The following TNRC6A variants were observed in gnomAD, a reference collection of about 807,000 sequenced individuals.
The protein encoded by TNRC6A is trinucleotide repeat-containing gene 6A protein.
TNRC6A carries 44 observed loss-of-function variants against 221.2 expected under a neutral mutation model. That is an observed-to-expected ratio of 0.20 (90% CI 0.16 to 0.26). The LOEUF (loss-of-function observed/expected upper bound fraction) is 0.26. Among genes scored for constraint, TNRC6A ranks in the 10% least tolerant of loss-of-function variants. The probability of loss-of-function intolerance (pLI) is 1.00; values close to 1 mark genes in which losing one functional copy is unlikely to be tolerated. For synonymous variants in TNRC6A, 847 were observed against 838.5 expected (o/e 1.01, Z -0.18); for missense variants, 2,199 against 2,404.4 (o/e 0.91, Z 1.79).
Position 24,750,732 on chromosome 16 carries a change from A to C in TNRC6A, c.60A>C (p.Leu20Phe). ...KDVERNLSRD[L>F]VQEEEQLMEE... The stretch of plus-strand genomic sequence containing the variant: ...TTGCAACTGTGTGGTTCAGGGATTT[A>C]GTGCAAGAAGAAGAACAGTTGATGG... The change falls in exon 3 of 25, where the codon TTA becomes TTC. Residue 20 changes from leucine to phenylalanine, a missense_variant. Leu to Phe is a conservative substitution (Grantham distance 22). Around this residue, in one of 8 missense-constraint regions of TNRC6A, gnomAD observed 1,405 missense variants for 1,400.2 expected, o/e 1.00. Transcript: ENST00000395799. 6.5e-7 allele frequency: 1 copy of C among 1,540,088 alleles called. No individual in the cohort carries two copies. The highest frequency in any genetic ancestry group is 1.3e-5 in the South Asian group (1 of 76,282).
At chr16:24,730,510 AAAAG>A (rs2056607855) in intron 2 of TNRC6A, among the ~76,000 whole-genome samples, 1 of 152,082 alleles carries the variant, frequency 6.6e-6, no homozygotes, top group Non-Finnish European at 1.5e-5. Context: ...AAAAAAAAAA[AAAAG>A]CGCAAAGCAA....
At chr16:24,764,712 G>A (rs2057435298) in intron 4 of TNRC6A, among the ~76,000 whole-genome samples, 3 of 152,128 alleles carry the variant, frequency 2.0e-5, no homozygotes, top group South Asian at 4.1e-4. Flanking sequence ...GGGAGTACAG[G>A]TATTTCTACA....
At chr16:24,766,973 G>A (rs990094933) in intron 4 of TNRC6A, among the ~76,000 whole-genome samples, 8 of 152,126 alleles carry the variant, frequency 5.3e-5, no homozygotes, top group East Asian at 3.8e-4. Context: ...CACTGTGCTC[G>A]GCCACACTTT....
At chr16:24,729,585 T>C (rs2056559079), upstream of TNRC6A, 1 of 396,690 alleles carries the variant, frequency 2.5e-6, no homozygotes, top group East Asian at 3.8e-5. Flanking sequence ...GTCCAGTTGC[T>C]AGGGCCTCCA....
chr16:24,632,483 G>T (rs370692519), intron 1 of TNRC6A, among the ~76,000 whole-genome samples: 2 of 152,010 alleles, frequency 1.3e-5, no homozygotes, highest in Non-Finnish European at 2.9e-5. Flanking sequence ...CAAACATATT[G>T]CCTGGCTATT....
intron 17 of TNRC6A, among the ~76,000 whole-genome samples, chr16:24,808,287 G>A (rs943466594): frequency 6.6e-6 from 1 of 152,186 alleles, no homozygotes; most frequent in Non-Finnish European, 1.5e-5. Flanking sequence ...TCTCAGTGAG[G>A]GATACTTCTT....
At chr16:24,729,413 G>A (rs2056554309), upstream of TNRC6A, among the ~76,000 whole-genome samples, 1 of 150,632 alleles carries the variant, frequency 6.6e-6, no homozygotes, top group Non-Finnish European at 1.5e-5. Context: ...CCCCTCCTCG[G>A]TCAGACCGGA....
rs371598247 is a variant in TNRC6A at position 24,804,166 on chromosome 16, G to A, written c.3695-11G>A. On this transcript the variant is annotated splice_polypyrimidine_tract_variant and intron_variant, in intron 11 of 24. Coordinates refer to ENST00000395799, the MANE Select transcript of TNRC6A (RefSeq NM_014494.4). Reference sequence around the variant, plus strand: ...TCTTCCTGTTTGATAACAGTCTCCTGCCTTTATTAGGAATGTTACAAGACA... The same window carrying A: ...TCTTCCTGTTTGATAACAGTCTCCTACCTTTATTAGGAATGTTACAAGACA... The A allele has an allele frequency of 6.3e-7, 1 of 1,589,716 alleles. No homozygotes were observed.
chr16:24,631,644 C>T (rs950285953), intron 1 of TNRC6A, among the ~76,000 whole-genome samples: 4 of 151,930 alleles, frequency 2.6e-5, no homozygotes, highest in Non-Finnish European at 4.4e-5. Context: ...TGGTGGCGCA[C>T]GCCTGTAGTC....
chr16:24,706,355 TAA>T lies in TNRC6A; in HGVS notation n.403-44366_403-44365del, dbSNP rs576495498. 1.4e-3 allele frequency among the ~76,000 whole-genome samples: 218 copies of T among 151,984 alleles called. 1 individual carries two copies. The highest frequency in any genetic ancestry group is 4.8e-3 in the African/African-American group (197 of 41,456). ...GGAAAATTTTGAAAAAGGAAAGTAA[TAA>T]AAAAGAATTAACCCTCCTAGGTATT... On this transcript the variant is annotated intron_variant and non_coding_transcript_variant, in intron 2 of 2. Transcript: ENST00000566108.
At position 24,749,452 on chromosome 16, in the gene TNRC6A, A is replaced by G. The variant is rs184858200; in HGVS notation, c.54-1274A>G. On this transcript the variant is annotated intron_variant, in intron 2 of 24. Transcript: ENST00000395799. ...TCTTTGGCTTGAGGCTGCATTTAGA[A>G]GCAGCTACTATCTGTGGCTGTGTAG... Among the ~76,000 whole-genome samples the G allele has an allele frequency of 2.4e-3, 372 of 152,278 alleles. 2 individuals are homozygous for G. Among genetic ancestry groups the G allele is most frequent in the African/African-American group, 7.3e-3 (304 of 41,556 alleles).
chr16:24,777,164 A>T lies in TNRC6A; in HGVS notation c.395A>T (p.Tyr132Phe). 6.2e-7 allele frequency: 1 copy of T among 1,614,206 alleles called. No individual in the cohort carries two copies. Among genetic ancestry groups the T allele is most frequent in the Non-Finnish European group, 8.5e-7 (1 of 1,180,050 alleles). The change falls in exon 5 of 25, where the codon TAT becomes TTT. Residue 132 changes from tyrosine (Y) to phenylalanine (F), a missense_variant. Tyr to Phe is a conservative substitution (Grantham distance 22, BLOSUM62 3). Coordinates refer to ENST00000395799, the MANE Select transcript of TNRC6A (RefSeq NM_014494.4). ...CAGCAGCCACAGGCCTTGCCTCGGT[A>T]TCCTCGTGAAGTACCTCCACGATTT... ...PQQQPQALPR[Y>F]PREVPPRFRH...
chr16:24,687,883 G>GAAGAAGAAGAAGAAGAAGAAGAA, intron 2 of TNRC6A, among the ~76,000 whole-genome samples: 1 of 146,588 alleles, frequency 6.8e-6, no homozygotes, highest in Non-Finnish European at 1.5e-5. Context: ...AGAAGAAGAA[G>GAAGAAGAAGAAGAAGAAGAAGAA]CAGCTTATTC....
At chr16:24,681,212 A>AT (rs2055526781) in intron 2 of TNRC6A, among the ~76,000 whole-genome samples, 1 of 151,904 alleles carries the variant, frequency 6.6e-6, no homozygotes, top group Non-Finnish European at 1.5e-5. Context: ...TTTATTTACC[A>AT]TTTTTTAACT....
chr16:24,808,073 T>C (rs1357863109), intron 17 of TNRC6A, among the ~76,000 whole-genome samples: 1 of 152,256 alleles, frequency 6.6e-6, no homozygotes, highest in African/African-American at 2.4e-5. Context: ...CAGTTACTAC[T>C]GTGGGTGAAT....
At chr16:24,663,980 C>A (rs755755407) in intron 2 of TNRC6A, 1 of 456,544 alleles carries the variant, frequency 2.2e-6, no homozygotes, top group Non-Finnish European at 4.4e-6. Context: ...CAGGGTTTAA[C>A]CATCCCAAGC....
chr16:24,617,290 T>A (rs1425017513), intron 1 of TNRC6A, among the ~76,000 whole-genome samples: 2 of 152,024 alleles, frequency 1.3e-5, no homozygotes, highest in Non-Finnish European at 2.9e-5. Flanking sequence ...CACACTTGGC[T>A]AATTTTTAAA....
chr16:24,670,252 C>T (rs1322485943), intron 2 of TNRC6A, among the ~76,000 whole-genome samples: 1 of 151,944 alleles, frequency 6.6e-6, no homozygotes, highest in East Asian at 1.9e-4. Flanking sequence ...ACCCAGCCAG[C>T]TGTTCTTATT....
upstream of TNRC6A, among the ~76,000 whole-genome samples, chr16:24,728,929 A>C (rs2056541301): frequency 6.6e-6 from 1 of 151,626 alleles, no homozygotes; most frequent in Non-Finnish European, 1.5e-5. Flanking sequence ...TCATTTTTAC[A>C]GTGTCCTAAT....
Sources: allele counts gnomAD v4.1 joint callset (sites outside exome capture counted in the v4.1 genomes callset), GRCh38; gene constraint gnomAD v4.1.1; regional missense constraint gnomAD v4.1.1; transcripts MANE v1.5; gene names NCBI Gene and HGNC (gene_info 2026-07-23, HGNC 2026-07-21).